CSNK2A2: variants seen among roughly 807,000 people sequenced by gnomAD.
The protein encoded by CSNK2A2 is casein kinase 2 alpha 2.
Under a neutral mutation model 54.0 loss-of-function variants are expected in CSNK2A2, and 8 were observed. That is an observed-to-expected ratio of 0.15 (90% CI 0.09 to 0.27). CSNK2A2 has a LOEUF of 0.27. Among genes scored for constraint, CSNK2A2 ranks in the 10% least tolerant of loss-of-function variants. CSNK2A2 has a pLI of 1.00. For missense variants in CSNK2A2, 242 were observed against 439.4 expected (o/e 0.55, Z 4.02); for synonymous variants, 141 against 153.9 (o/e 0.92, Z 0.62).
At chr16:58,189,604 G>A (rs1962277275) in intron 2 of CSNK2A2, among the ~76,000 whole-genome samples, 1 of 152,152 alleles carries the variant, frequency 6.6e-6, no homozygotes, top group Non-Finnish European at 1.5e-5. Context: ...AAGGTATCTG[G>A]CATAGCAACT....
chr16:58,162,591 T>C (rs1961416066), intron 11 of CSNK2A2: 1 of 152,176 alleles, frequency 6.6e-6, no homozygotes, highest in Non-Finnish European at 1.5e-5. Flanking sequence ...CATCTAACCT[T>C]ATAAAAATGT....
chr16:58,159,744 T>C (rs1263629725), intron 11 of CSNK2A2: 2 of 152,180 alleles, frequency 1.3e-5, no homozygotes, highest in Non-Finnish European at 2.9e-5. Context: ...CCAGGCAGTG[T>C]TGCTTTTCTG....
Position 58,197,717 on chromosome 16 carries a change from C to T in CSNK2A2, c.20G>A (p.Gly7Asp). MPGPAAGSRARVYAEVN... is the reference protein window; with the variant it reads MPGPAADSRARVYAEVN... The stretch of plus-strand genomic sequence containing the variant: ...CTCGGCGTAGACCCGGGCCCTGCTG[C>T]CCGCGGCCGGGCCGGGCATGGCGGG... Residue 7 changes from glycine (G) to aspartate (D), a missense_variant, in exon 1 of 12, where the codon GGC becomes GAC. By Grantham distance (94) the Gly-to-Asp change is moderately conservative. Transcript: ENST00000262506. The surrounding 1 kb of genome is among the most constrained non-coding windows in gnomAD (Gnocchi z 4.0). 4.0e-6 allele frequency: 6 copies of T among 1,486,954 alleles called. No homozygotes were observed. The highest frequency in any genetic ancestry group is 4.5e-6 in the Non-Finnish European group (5 of 1,114,904). 92.1% of individuals were successfully genotyped at this position (1,486,954 alleles called of 1,614,324 possible).
At chr16:58,166,131 A>C (rs6499938) in intron 9 of CSNK2A2, among the ~76,000 whole-genome samples, 46,173 of 152,090 alleles carry the variant, frequency 0.3, 7,317 homozygotes, top group African/African-American at 0.39. Context: ...CATTATTGCA[A>C]TGTACCTGAA....
In CSNK2A2 at chr16:58,197,766, C is replaced by A; in HGVS notation, c.-30G>T. On this transcript the variant is annotated 5_prime_UTR_variant, in exon 1 of 12. Coordinates refer to ENST00000262506, the MANE Select transcript of CSNK2A2 (RefSeq NM_001896.4). The surrounding 1 kb of genome is among the most constrained non-coding windows in gnomAD (Gnocchi z 4.0). ...GGCGGGACCGGGGGGCGGCGCGGGG[C>A]GCAGAGGGTGGCGGCGGCGGCGCGG... 1.1e-6 allele frequency: 1 copy of A among 891,050 alleles called. No homozygotes were observed. Among genetic ancestry groups the A allele is most frequent in the Non-Finnish European group, 1.4e-6 (1 of 717,508 alleles). The allele number at this position is 891,050 out of a possible 1,614,324, so 55.2% of individuals were successfully genotyped here.
chr16:58,197,556 C>T lies in CSNK2A2; in HGVS notation c.104+77G>A, dbSNP rs1962498019. ...GGGGTCGGCGGGAGACACCACCGGG[C>T]CCGAGTGCGGTTCGCAGGGGGTGGC... On this transcript the variant is annotated intron_variant, in intron 1 of 11. Coordinates refer to ENST00000262506, the MANE Select transcript of CSNK2A2 (RefSeq NM_001896.4). The surrounding 1 kb of genome is among the most constrained non-coding windows in gnomAD (Gnocchi z 4.0). 2.0e-6 allele frequency: 2 copies of T among 984,884 alleles called. No individual in the cohort carries two copies. The highest frequency in any genetic ancestry group is 2.9e-6 in the Non-Finnish European group (2 of 682,916). The allele number at this position is 984,884 out of a possible 1,614,324, so 61.0% of individuals were successfully genotyped here.
chr16:58,171,990 T>A (rs1380158268), intron 5 of CSNK2A2, among the ~76,000 whole-genome samples: 224 of 124,632 alleles, frequency 1.8e-3, no homozygotes, highest in African/African-American at 7.0e-3. Context: ...TTTTTTTTTT[T>A]TTTTTTTTTT....
chr16:58,188,855 T>G (rs1962258268), intron 2 of CSNK2A2, among the ~76,000 whole-genome samples: 1 of 152,184 alleles, frequency 6.6e-6, no homozygotes, highest in South Asian at 2.1e-4. Flanking sequence ...AAAACAAATG[T>G]TAACATTTGA....
At chr16:58,178,759 C>T (rs746318378) in intron 4 of CSNK2A2, among the ~76,000 whole-genome samples, 1 of 152,118 alleles carries the variant, frequency 6.6e-6, no homozygotes, top group Non-Finnish European at 1.5e-5. Context: ...CAAACCAATA[C>T]CTCTACCATA....
chr16:58,189,912 C>T (rs1962285662), intron 2 of CSNK2A2, among the ~76,000 whole-genome samples: 1 of 152,110 alleles, frequency 6.6e-6, no homozygotes, highest in African/African-American at 2.4e-5. Flanking sequence ...CTCTGAGGAG[C>T]TGAAAGTGAT....
At chr16:58,170,265 G>A (rs749268179) in intron 5 of CSNK2A2, among the ~76,000 whole-genome samples, 1 of 151,742 alleles carries the variant, frequency 6.6e-6, no homozygotes, top group Non-Finnish European at 1.5e-5. Flanking sequence ...CAACCCCTCC[G>A]TGCCCTGCCC....
intron 2 of CSNK2A2, among the ~76,000 whole-genome samples, chr16:58,191,797 G>A (rs1962327865): frequency 6.6e-6 from 1 of 152,098 alleles, no homozygotes; most frequent in African/African-American, 2.4e-5. Context: ...TGACCCAAAT[G>A]TAATATTGTT....
chr16:58,191,180 G>A (rs980065941), intron 2 of CSNK2A2, among the ~76,000 whole-genome samples: 5 of 152,132 alleles, frequency 3.3e-5, no homozygotes, highest in African/African-American at 1.2e-4. Flanking sequence ...CAAATTCATA[G>A]AAACAGTAAG....
chr16:58,178,232 CT>C (rs964289951), intron 4 of CSNK2A2, among the ~76,000 whole-genome samples: 531 of 142,008 alleles, frequency 3.7e-3, no homozygotes, highest in African/African-American at 3.9e-3. Flanking sequence ...TTATCGAAAT[CT>C]TTTTTTTTTT....
intron 5 of CSNK2A2, among the ~76,000 whole-genome samples, chr16:58,171,083 A>G (rs1038567893): frequency 6.6e-6 from 1 of 152,102 alleles, no homozygotes; most frequent in Admixed American, 6.6e-5. Context: ...CTGGATAAGA[A>G]GCAATAAACT....
chr16:58,158,515 C>T (rs993714960), intron 11 of CSNK2A2, among the ~76,000 whole-genome samples, 162 bp from the exon 12 acceptor site: 4 of 152,344 alleles, frequency 2.6e-5, no homozygotes, highest in Middle Eastern at 3.4e-3. Flanking sequence ...AGGTTTCCAA[C>T]AGTACCCTCT....
chr16:58,194,528 C>CA (rs1169026443), intron 2 of CSNK2A2, among the ~76,000 whole-genome samples: 2 of 152,134 alleles, frequency 1.3e-5, no homozygotes, highest in Non-Finnish European at 2.9e-5. Flanking sequence ...ACTGTGAAAA[C>CA]AAACAACATC....
Position 58,168,649 on chromosome 16 carries a change from C to A in CSNK2A2, c.474G>T (p.Val158=). The A allele has an allele frequency of 6.2e-7, 1 of 1,614,010 alleles. No individual in the cohort carries two copies. Among genetic ancestry groups the A allele is most frequent in the South Asian group, 1.1e-5 (1 of 91,064 alleles). ...GATCTATCATGACATTGTGAGGTTT[C>A]ACATCCCTGTGCATGATTCCCTTGC... ...CHSKGIMHRD[V]KPHNVMIDHQ... The change falls in exon 6 of 12, where the codon GTG becomes GTT. Residue 158 remains valine, a synonymous_variant. Coordinates refer to ENST00000262506, the MANE Select transcript of CSNK2A2 (RefSeq NM_001896.4).
intron 2 of CSNK2A2, among the ~76,000 whole-genome samples, chr16:58,187,693 C>T (rs1331553522): frequency 6.6e-6 from 1 of 152,168 alleles, no homozygotes; most frequent in African/African-American, 2.4e-5. Flanking sequence ...CAGTAAGCAC[C>T]TAATAAATGA....
Sources: gnomAD v4.1 joint callset for allele counts (sites outside exome capture counted in the v4.1 genomes callset) on GRCh38, gnomAD v4.1.1 for gene constraint, Gnocchi (gnomAD v3.1) non-coding constraint, MANE v1.5 for transcripts, NCBI Gene and HGNC (gene_info 2026-07-23, HGNC 2026-07-21) for gene names.